Variants in SLC35F5 observed in about 807,000 individuals in gnomAD.
SLC35F5 encodes solute carrier family 35 member F5.
A neutral mutation model predicts 68.6 loss-of-function variants in SLC35F5; 54 were observed. The observed-to-expected ratio is 0.79, with a 90% CI of 0.63 to 0.99. The LOEUF is 0.99. Ranked by LOEUF, SLC35F5 falls within the 50% of genes least tolerant of loss-of-function variation. The pLI, the probability that SLC35F5 is intolerant of heterozygous loss-of-function variation, is 0.00. For missense variants in SLC35F5, 567 were observed against 626.9 expected (o/e 0.90, Z 1.02); for synonymous variants, 211 against 205.2 (o/e 1.03, Z -0.24).
intron 3 of SLC35F5, among the ~76,000 whole-genome samples, 171 bp downstream of exon 3, chr2:113,754,994 T>C (rs1366778719): frequency 1.3e-5 from 2 of 152,208 alleles, no homozygotes; most frequent in African/African-American, 4.8e-5. Flanking sequence ...AAAAGGATCA[T>C]CCTTTCAGTT....
downstream of SLC35F5, among the ~76,000 whole-genome samples, chr2:113,702,919 G>A (rs577719814): frequency 2.0e-5 from 3 of 152,248 alleles, no homozygotes; most frequent in East Asian, 5.8e-4. Flanking sequence ...GACCAGCCTA[G>A]GCAAAATAGC....
Position 113,725,481 on chromosome 2 carries a change from A to T in SLC35F5, c.1147T>A (p.Tyr383Asn). ...AACTCGAAGTCCTCAAATCCAGTATAATGAAGTAAAAAGAAACCTGGCCAT... is the reference window on the plus strand; with the variant it reads ...AACTCGAAGTCCTCAAATCCAGTATTATGAAGTAAAAAGAAACCTGGCCAT... Reference protein sequence around the residue: ...LLWPGFFLLHYTGFEDFEFPN... With the variant: ...LLWPGFFLLHNTGFEDFEFPN... The change falls in exon 12 of 16, where the codon TAT (tyrosine) becomes AAT (asparagine). Residue 383 changes from tyrosine (Y) to asparagine (N), a missense_variant. Tyr to Asn is a moderately radical substitution (Grantham distance 143). Transcript: ENST00000245680. The T allele has an allele frequency of 6.2e-7, 1 of 1,605,728 alleles. No individual in the cohort carries two copies. The highest frequency in any genetic ancestry group is 1.7e-4 in the Middle Eastern group (1 of 6,028).
intron 15 of SLC35F5, among the ~76,000 whole-genome samples, chr2:113,715,416 T>TA (rs1322714029): frequency 6.6e-6 from 1 of 152,214 alleles, no homozygotes; most frequent in Non-Finnish European, 1.5e-5. Flanking sequence ...GACTGTGTAT[T>TA]AGCAGTTAGT....
Position 113,753,168 on chromosome 2 carries a change from C to CTTTTTTTTTTTTTTTTTTTTTTTTTT in SLC35F5, c.273+1971_273+1996dup, listed in dbSNP as rs1173478465. 6.5e-4 allele frequency among the ~76,000 whole-genome samples: 32 copies of CTTTTTTTTTTTTTTTTTTTTTTTTTT among 49,076 alleles called. 13 individuals are homozygous for CTTTTTTTTTTTTTTTTTTTTTTTTTT. The highest frequency in any genetic ancestry group is 6.4e-4 in the Non-Finnish European group (18 of 28,292). 32.2% of individuals were successfully genotyped at this position (49,076 alleles called of 152,430 possible). On this transcript the variant is annotated intron_variant, in intron 3 of 15. Transcript: ENST00000245680. ...CACTTTATCTCCAAAGTTTGTTTTT[C>CTTTTTTTTTTTTTTTTTTTTTTTTTT]TTTTTTTTTTTTTTTTTTTTTTTTT...
intron 1 of SLC35F5, 183 bp downstream of exon 1, chr2:113,756,187 T>C (rs1415132774): frequency 6.1e-6 from 9 of 1,472,898 alleles, no homozygotes; most frequent in East Asian, 2.5e-5. Context: ...CTTCCTCAAT[T>C]GCCAGCGGTG....
chr2:113,724,470 T>C (rs1360400119), intron 12 of SLC35F5, among the ~76,000 whole-genome samples: 1 of 152,122 alleles, frequency 6.6e-6, no homozygotes, highest in Non-Finnish European at 1.5e-5. Flanking sequence ...AGAACATAAA[T>C]TACTACAATA....
chr2:113,735,793 A>G lies in SLC35F5; in HGVS notation c.816T>C (p.Ile272=). ...LSDTQVAIVN[I]LSSTSGLFTL... ...ATTTCTTACCGGAAGTTGAAGATAA[A>G]ATATTAACTATAGCAACTTGTGTGT... The change falls in exon 8 of 16, where the codon ATT becomes ATC. Residue 272 remains isoleucine, a synonymous_variant. Transcript: ENST00000245680. The G allele has an allele frequency of 1.1e-5, 18 of 1,603,286 alleles. No homozygotes were observed. Among genetic ancestry groups the G allele is most frequent in the Non-Finnish European group, 1.4e-5 (17 of 1,175,880 alleles).
chr2:113,718,895 AAG>A (rs199499596), intron 14 of SLC35F5, among the ~76,000 whole-genome samples: 60 of 63,690 alleles, frequency 9.4e-4, no homozygotes, highest in South Asian at 2.3e-3. Flanking sequence ...GAAAGAAAGA[AAG>A]AAAGAAAGAA....
intron 8 of SLC35F5, 64 bp from the exon 9 acceptor site, chr2:113,734,737 C>T (rs1012833775): frequency 2.1e-6 from 2 of 960,706 alleles, no homozygotes; most frequent in Non-Finnish European, 3.2e-6. Flanking sequence ...TTTTTACTAC[C>T]AACTTCATTG....
At chr2:113,735,569 C>T (rs1688057481) in intron 8 of SLC35F5, among the ~76,000 whole-genome samples, 1 of 152,180 alleles carries the variant, frequency 6.6e-6, no homozygotes, top group Admixed American at 6.5e-5. Flanking sequence ...TATGGGACCA[C>T]CATCATATAT....
At chr2:113,740,129 G>A (rs1042350051) in intron 7 of SLC35F5, among the ~76,000 whole-genome samples, 1 of 152,146 alleles carries the variant, frequency 6.6e-6, no homozygotes, top group Non-Finnish European at 1.5e-5. Flanking sequence ...GACCCATGTT[G>A]TTCAAGGACC....
rs1574192521 is a variant in SLC35F5, at chr2:113,707,362, TCA to T, written c.*7854_*7855del. On this transcript the variant is annotated 3_prime_UTR_variant, in exon 16 of 16. Transcript: ENST00000245680. ...ATCTTGTCTTATATAAATATACAAA[TCA>T]CAGTATGCTGACACTAGATAACTTC... Among the ~76,000 whole-genome samples, 1 of 152,160 alleles carries T rather than the reference TCA, an allele frequency of 6.6e-6. No homozygotes were observed. Among genetic ancestry groups the T allele is most frequent in the Non-Finnish European group, 1.5e-5 (1 of 68,026 alleles).
intron 13 of SLC35F5, among the ~76,000 whole-genome samples, chr2:113,721,971 C>CTTTTTTTTTTTTTTTTTTTTTTT (rs71297192): frequency 9.3e-6 from 1 of 107,660 alleles, no homozygotes; most frequent in Non-Finnish European, 1.9e-5. Flanking sequence ...TTGCTTTTAT[C>CTTTTTTTTTTTTTTTTTTTTTTT]TTTTTTTTTT....
rs924257995 is a variant in SLC35F5, at chr2:113,712,410, G to T, written c.*2808C>A. On this transcript the variant is annotated 3_prime_UTR_variant, in exon 16 of 16. Transcript: ENST00000245680. ...CGGCTCACTGCAGGCTCCGCCTCCC[G>T]GGTTCACGCCATTCTGCTGCCTCAG... Among the ~76,000 whole-genome samples, 1 of 152,020 alleles carries T rather than the reference G, an allele frequency of 6.6e-6. No individual in the cohort carries two copies. The highest frequency in any genetic ancestry group is 1.5e-5 in the Non-Finnish European group (1 of 68,020).
rs923737924 is a variant in SLC35F5 at position 113,755,558 on chromosome 2, T to A, written c.41-14A>T. Reference sequence around the variant, plus strand: ...AACTCAGCACCCCTAAAAACAACCATGAAATTATGCTATGAAAACGTGAAT... The same window carrying A: ...AACTCAGCACCCCTAAAAACAACCAAGAAATTATGCTATGAAAACGTGAAT... On this transcript the variant is annotated splice_polypyrimidine_tract_variant and intron_variant, in intron 1 of 15. Transcript: ENST00000245680. The A allele has an allele frequency of 1.9e-6, 3 of 1,607,530 alleles. No individual in the cohort carries two copies. The highest frequency in any genetic ancestry group is 1.7e-6 in the Non-Finnish European group (2 of 1,174,768).
chr2:113,721,059 A>G (rs1375570761), intron 13 of SLC35F5, among the ~76,000 whole-genome samples: 2 of 152,190 alleles, frequency 1.3e-5, no homozygotes, highest in African/African-American at 4.8e-5. Flanking sequence ...ATTATATAAA[A>G]TGATTATAAA....
At chr2:113,704,024 C>T (rs140387585), downstream of SLC35F5, 2 of 152,608 alleles carry the variant, frequency 1.3e-5, no homozygotes, top group Non-Finnish European at 2.9e-5. Context: ...GTGGTCTCGC[C>T]GGCTCAGGAG....
downstream of SLC35F5, among the ~76,000 whole-genome samples, chr2:113,704,461 C>T (rs184138528): frequency 2.0e-4 from 31 of 152,300 alleles, no homozygotes; most frequent in Middle Eastern, 6.8e-3. Flanking sequence ...GACTGGGCAC[C>T]GCGGAGCAGG....
intron 1 of SLC35F5, chr2:113,755,768 G>A (rs1016789754): frequency 6.1e-6 from 8 of 1,310,854 alleles, no homozygotes; most frequent in Non-Finnish European, 8.6e-6. Flanking sequence ...GGGAGGGGGA[G>A]TAATATACAA....
Sources: allele counts gnomAD v4.1 joint callset (sites outside exome capture counted in the v4.1 genomes callset), GRCh38; gene constraint gnomAD v4.1.1; transcripts MANE v1.5; gene names NCBI Gene and HGNC (gene_info 2026-07-23, HGNC 2026-07-21).